Variants in TUT4 observed in about 807,000 individuals in gnomAD.
TUT4 encodes the protein terminal uridylyltransferase 4.
In TUT4, 36 loss-of-function variants were observed where a neutral mutation model predicts 192.2. The ratio of observed to expected loss-of-function variants is 0.19; its 90% CI spans 0.14 to 0.25. The LOEUF is 0.25. Ranked by LOEUF, TUT4 falls within the 10% of genes least tolerant of loss-of-function variation. The pLI is 1.00. For synonymous variants in TUT4, 618 were observed against 666.0 expected (o/e 0.93, Z 1.11); for missense variants, 1,493 against 1,957.2 (o/e 0.76, Z 4.47).
chr1:52,539,937 G>T (rs1054716633), intron 1 of TUT4, among the ~76,000 whole-genome samples: 7 of 150,510 alleles, frequency 4.7e-5, no homozygotes, highest in African/African-American at 1.7e-4. Context: ...AACAGGCCAG[G>T]CGCGGGACTA....
At chr1:52,428,948 A>G (rs1650995424) in intron 28 of TUT4, among the ~76,000 whole-genome samples, 1 of 152,186 alleles carries the variant, frequency 6.6e-6, no homozygotes, top group African/African-American at 2.4e-5. Context: ...AGTCAAGTCA[A>G]AAATATTTTT....
chr1:52,424,569 C>G (rs1649174459), intron 29 of TUT4: 1 of 152,450 alleles, frequency 6.6e-6, no homozygotes, highest in South Asian at 2.1e-4. Flanking sequence ...GAGCTGAAGG[C>G]CAGACTCAGA....
Position 52,436,994 on chromosome 1 carries a change from T to C in TUT4, c.3939-16A>G, listed in dbSNP as rs757124815. The stretch of plus-strand genomic sequence containing the variant: ...CAGTAAACTGCTGATACCAATAATG[T>C]GGGGCTAGGGACTTGTAAATTAAGT... On this transcript the variant is annotated splice_polypyrimidine_tract_variant and intron_variant, in intron 25 of 29. Coordinates refer to ENST00000257177, the MANE Select transcript of TUT4 (RefSeq NM_001009881.3). The C allele has an allele frequency of 6.2e-7, 1 of 1,611,500 alleles. No individual in the cohort carries two copies. Among genetic ancestry groups the C allele is most frequent in the Non-Finnish European group, 8.5e-7 (1 of 1,179,104 alleles).
intron 1 of TUT4, 91 bp from the exon 2 acceptor site, chr1:52,526,464 T>C: frequency 2.3e-6 from 1 of 432,224 alleles, no homozygotes; most frequent in Non-Finnish European, 3.6e-6. Context: ...TTTTTAAACT[T>C]GTTCTAAAAA....
intron 20 of TUT4, among the ~76,000 whole-genome samples, chr1:52,454,587 C>G (rs1660346356): frequency 6.6e-6 from 1 of 152,170 alleles, no homozygotes; most frequent in Non-Finnish European, 1.5e-5. Context: ...CTAAATGGCT[C>G]ACAGGCCTAA....
At chr1:52,516,376 T>C (rs1446711248) in intron 2 of TUT4, among the ~76,000 whole-genome samples, 1 of 152,178 alleles carries the variant, frequency 6.6e-6, no homozygotes, top group East Asian at 1.9e-4. Context: ...GGAGAATCTC[T>C]GAAGTCAATC....
intron 7 of TUT4, among the ~76,000 whole-genome samples, chr1:52,491,804 C>T (rs911609325): frequency 6.6e-6 from 1 of 152,070 alleles, no homozygotes; most frequent in African/African-American, 2.4e-5. Context: ...TCAAAAAACA[C>T]GTGCTGAAGA....
At chr1:52,487,820 T>C (rs1670185834) in intron 9 of TUT4, among the ~76,000 whole-genome samples, 2 of 152,202 alleles carry the variant, frequency 1.3e-5, no homozygotes, top group South Asian at 4.1e-4. Flanking sequence ...ACTGAGTGCC[T>C]ACTATGTGCT....
At chr1:52,518,056 T>C (rs1015688677) in intron 2 of TUT4, among the ~76,000 whole-genome samples, 2 of 152,234 alleles carry the variant, frequency 1.3e-5, no homozygotes, top group African/African-American at 2.4e-5. Flanking sequence ...ACGTCCTAAA[T>C]TGTGTTCCAA....
chr1:52,487,993 G>A (rs1670221935), intron 9 of TUT4, among the ~76,000 whole-genome samples: 2 of 152,056 alleles, frequency 1.3e-5, no homozygotes, highest in African/African-American at 4.8e-5. Flanking sequence ...TAAGAGTGAA[G>A]CATTCTAAAT....
rs762199055 is a variant in TUT4, at chr1:52,481,549, T to G, written c.1722A>C (p.Ser574=). The change falls in exon 11 of 30, where the codon TCA becomes TCC. Residue 574 remains serine, a synonymous_variant. Transcript: ENST00000257177. The stretch of plus-strand genomic sequence containing the variant: ...TTGAGTTTTTCTCAGTTGCACTACT[T>G]GAATTACATTCCCACTTCACAAACT... ...EEKFVKWECN[S]SSATEKNSIA... 6.2e-7 allele frequency: 1 copy of G among 1,613,986 alleles called. No homozygotes were observed. The highest frequency in any genetic ancestry group is 8.5e-7 in the Non-Finnish European group (1 of 1,179,992).
At chr1:52,517,904 C>T (rs1381456880) in intron 2 of TUT4, among the ~76,000 whole-genome samples, 1 of 152,134 alleles carries the variant, frequency 6.6e-6, no homozygotes, top group African/African-American at 2.4e-5. Flanking sequence ...GACAAGGTAA[C>T]CAACATCAGC....
chr1:52,437,423 C>G (rs1304602880), intron 25 of TUT4: 1 of 155,860 alleles, frequency 6.4e-6, no homozygotes, highest in East Asian at 1.9e-4. Context: ...GTATACAGAA[C>G]CTGGGAGACT....
chr1:52,442,970 G>T (rs1656126677), intron 24 of TUT4, among the ~76,000 whole-genome samples: 1 of 152,070 alleles, frequency 6.6e-6, no homozygotes, highest in South Asian at 2.1e-4. Context: ...GTTTACCGAG[G>T]ACTCTAATTT....
intron 1 of TUT4, among the ~76,000 whole-genome samples, chr1:52,530,107 T>A (rs1013435416): frequency 2.0e-4 from 30 of 152,084 alleles, no homozygotes; most frequent in Non-Finnish European, 4.0e-4. Context: ...CTTCCCAAAC[T>A]GCTAGGACTA....
At chr1:52,507,258 T>G (rs755299826) in intron 4 of TUT4, among the ~76,000 whole-genome samples, 3 of 152,236 alleles carry the variant, frequency 2.0e-5, no homozygotes, top group Non-Finnish European at 4.4e-5. Flanking sequence ...TTTGTGCAGT[T>G]TTCTCATTTT....
At chr1:52,472,642 T>C (rs911840866) in intron 13 of TUT4, among the ~76,000 whole-genome samples, 6 of 151,764 alleles carry the variant, frequency 4.0e-5, no homozygotes, top group Admixed American at 2.0e-4. Context: ...GAGACCAAAC[T>C]GCAGACTGAA....
chr1:52,468,141 T>C, intron 15 of TUT4, 40 bp downstream of exon 15: 4 of 1,453,538 alleles, frequency 2.8e-6, no homozygotes, highest in Admixed American at 1.9e-5. Context: ...ACTACATGAC[T>C]ACAGCAAAAA....
intron 28 of TUT4, among the ~76,000 whole-genome samples, chr1:52,429,029 G>T (rs1651032833): frequency 6.7e-6 from 1 of 150,334 alleles, no homozygotes; most frequent in Non-Finnish European, 1.5e-5. Context: ...GGGGAGGGGG[G>T]TTCATTATAT....
Sources: allele counts gnomAD v4.1 joint callset (sites outside exome capture counted in the v4.1 genomes callset), GRCh38; gene constraint gnomAD v4.1.1; transcripts MANE v1.5; gene names NCBI Gene and HGNC (gene_info 2026-07-23, HGNC 2026-07-21).